Variants in OTOF observed in about 807,000 individuals in gnomAD.
OTOF encodes the protein otoferlin.
OTOF carries 218 observed loss-of-function variants against 236.8 expected under a neutral mutation model. The observed-to-expected ratio is 0.92, with a 90% confidence interval of 0.82 to 1.03. The LOEUF is 1.03. Among genes scored for constraint, OTOF ranks in the 50% least tolerant of loss-of-function variants. The pLI, the probability that OTOF is intolerant of heterozygous loss-of-function variation, is 0.00. For synonymous variants in OTOF, 1,041 were observed against 1,072.5 expected, an observed-to-expected ratio of 0.97 and a Z score of 0.57; for missense variants, 2,590 against 2,694.4, an observed-to-expected ratio of 0.96 and a Z score of 0.86.
At chr2:26,514,961 C>A (rs1381955422) in intron 5 of OTOF, among the ~76,000 whole-genome samples, 2 of 152,278 alleles carry the variant, frequency 1.3e-5, no homozygotes, top group African/African-American at 4.8e-5. Context: ...CACTCCCCGT[C>A]TGAGCACTGC....
At chr2:26,527,003 A>G (rs1465600247) in intron 3 of OTOF, among the ~76,000 whole-genome samples, 2 of 152,200 alleles carry the variant, frequency 1.3e-5, no homozygotes, top group Non-Finnish European at 2.9e-5. Context: ...TTTTTAACCC[A>G]AGATATTACT....
At chr2:26,500,378 A>C (rs1219807600) in intron 8 of OTOF, among the ~76,000 whole-genome samples, 2 of 152,196 alleles carry the variant, frequency 1.3e-5, no homozygotes, top group African/African-American at 4.8e-5. Flanking sequence ...TAATGACTCT[A>C]TTTTTGATGT....
At chr2:26,528,049 AGGGACAAAGCATTGACACCT>A in intron 2 of OTOF, 129 bp from the exon 3 acceptor site, 1 of 728,432 alleles carries the variant, frequency 1.4e-6, no homozygotes, top group Non-Finnish European at 2.5e-6. Flanking sequence ...AGTGCTCCCC[AGGGACAAAGCATTGACACCT>A]GGAATCTCAT....
chr2:26,518,791 G>A (rs1666600249), intron 4 of OTOF, among the ~76,000 whole-genome samples: 1 of 152,202 alleles, frequency 6.6e-6, no homozygotes, highest in South Asian at 2.1e-4. Context: ...GGGCAGGGGT[G>A]CCTACTGTGG....
intron 40 of OTOF, 149 bp downstream of exon 40, chr2:26,463,815 C>T: frequency 9.1e-7 from 1 of 1,098,704 alleles, no homozygotes; most frequent in Non-Finnish European, 1.4e-6. Context: ...ATTCAAGTTA[C>T]CCTGAGGGGC....
intron 14 of OTOF, 35 bp downstream of exon 14, chr2:26,482,371 C>T (rs746680160): frequency 1.2e-6 from 2 of 1,602,448 alleles, no homozygotes; most frequent in Middle Eastern, 1.8e-4. Flanking sequence ...GCCACTCCCT[C>T]TGCCCCCCAG....
Position 26,477,391 on chromosome 2 carries a change from C to A in OTOF, c.2406+25G>T. The A allele has an allele frequency of 1.9e-6, 3 of 1,569,934 alleles. No individual in the cohort carries two copies. Among genetic ancestry groups the A allele is most frequent in the Non-Finnish European group, 2.6e-6 (3 of 1,157,024 alleles). On this transcript the variant is annotated intron_variant, in intron 20 of 46. Transcript: ENST00000272371. This position sits in a 1 kb window ranked among gnomAD's most constrained non-coding sequence, Gnocchi z 4.7. ...CTCACAACCAGGCCCTCCCTCCAGC[C>A]CCCGCCGTCCAGTTGCGTCCTCACC...
intron 15 of OTOF, among the ~76,000 whole-genome samples, 199 bp from the exon 16 acceptor site, chr2:26,480,510 A>C (rs992778008): frequency 6.6e-6 from 1 of 152,238 alleles, no homozygotes; most frequent in African/African-American, 2.4e-5. Context: ...CAGACACCAC[A>C]GGGACAGCCG....
chr2:26,504,204 C>T (rs1193778130), intron 5 of OTOF, among the ~76,000 whole-genome samples: 1 of 152,198 alleles, frequency 6.6e-6, no homozygotes, highest in Non-Finnish European at 1.5e-5. Flanking sequence ...GTCTAGTCTC[C>T]TCAGAGCTCC....
At chr2:26,510,752 G>C (rs1666365165) in intron 5 of OTOF, 7 of 1,288,942 alleles carry the variant, frequency 5.4e-6, no homozygotes, top group Non-Finnish European at 6.1e-6. Flanking sequence ...TGCCTTTGCT[G>C]AGTAGGGGGA....
In OTOF at chr2:26,462,026, C is replaced by G. The variant is rs1664489605; in HGVS notation, c.5291+57G>C. On this transcript the variant is annotated intron_variant, in intron 42 of 46. Coordinates refer to ENST00000272371, the MANE Select transcript of OTOF (RefSeq NM_194248.3). The surrounding 1 kb of genome is among the most constrained non-coding windows in gnomAD (Gnocchi z 4.7). ...CTTCCCTCTGCCTCCTCTCCTGCCCCCCGGGAAGCAAGCCCCACCCAGCTC... is the reference window on the plus strand; with the variant it reads ...CTTCCCTCTGCCTCCTCTCCTGCCCGCCGGGAAGCAAGCCCCACCCAGCTC... The G allele has an allele frequency of 1.2e-6, 2 of 1,612,576 alleles. No individual in the cohort carries two copies. Among genetic ancestry groups the G allele is most frequent in the African/African-American group, 1.3e-5 (1 of 74,876 alleles).
Position 26,477,996 on chromosome 2 carries a change from G to A in OTOF, c.2215-247C>T. The A allele has an allele frequency of 6.9e-7, 1 of 1,454,760 alleles. No homozygotes were observed. The highest frequency in any genetic ancestry group is 1.5e-5 in the South Asian group (1 of 67,100). 90.1% of individuals were successfully genotyped at this position (1,454,760 alleles called of 1,614,324 possible). On this transcript the variant is annotated intron_variant, in intron 18 of 46. Coordinates refer to ENST00000272371, the MANE Select transcript of OTOF (RefSeq NM_194248.3). The surrounding 1 kb of genome is among the most constrained non-coding windows in gnomAD (Gnocchi z 4.7). ...AAGGAAGAAGCCACCTCTGGGCTGT[G>A]AGTCTGTGGCTCTGGTGAGCTCACA...
At chr2:26,487,021 G>A (rs553614073) in intron 11 of OTOF, among the ~76,000 whole-genome samples, 1 of 152,310 alleles carries the variant, frequency 6.6e-6, no homozygotes, top group African/African-American at 2.4e-5. Context: ...ATGAGGATGA[G>A]TGTATGGCCC....
chr2:26,503,558 T>C (rs1666172296), intron 6 of OTOF, among the ~76,000 whole-genome samples: 1 of 152,240 alleles, frequency 6.6e-6, no homozygotes, highest in African/African-American at 2.4e-5. Flanking sequence ...GGGAGGAGCC[T>C]TGTAACCAGG....
chr2:26,530,288 C>A (rs940703801), intron 2 of OTOF, among the ~76,000 whole-genome samples: 1 of 151,780 alleles, frequency 6.6e-6, no homozygotes, highest in Non-Finnish European at 1.5e-5. Context: ...GGCTGCCTGG[C>A]TGCGGGGCGA....
chr2:26,554,046 C>T (rs951898111), intron 1 of OTOF, among the ~76,000 whole-genome samples: 1 of 151,440 alleles, frequency 6.6e-6, no homozygotes, highest in African/African-American at 2.4e-5. Context: ...TGGCGTGTGC[C>T]TGTAGTCCCA....
chr2:26,502,135 G>C (rs948274798), intron 7 of OTOF, among the ~76,000 whole-genome samples, 165 bp downstream of exon 7: 6 of 152,228 alleles, frequency 3.9e-5, no homozygotes, highest in African/African-American at 1.4e-4. Flanking sequence ...TGCAGGGAGA[G>C]AGGTGAGAAA....
In OTOF at chr2:26,457,980, C is replaced by G; in HGVS notation, c.*258G>C. The G allele has an allele frequency of 2.0e-6, 3 of 1,531,572 alleles. No homozygotes were observed. Among genetic ancestry groups the G allele is most frequent in the Non-Finnish European group, 2.7e-6 (3 of 1,118,158 alleles). 94.9% of individuals were successfully genotyped at this position (1,531,572 alleles called of 1,614,324 possible). ...CTCCCCAGGGGAGATGGGAAAGAGT[C>G]CAAGCCACTGAAAGGAAATGCGGCA... is the stretch of plus-strand genomic sequence containing the variant. On this transcript the variant is annotated 3_prime_UTR_variant, in exon 47 of 47. Coordinates refer to ENST00000272371, the MANE Select transcript of OTOF (RefSeq NM_194248.3). This position sits in a 1 kb window ranked among gnomAD's most constrained non-coding sequence, Gnocchi z 4.4.
chr2:26,506,148 G>A (rs984858713), intron 5 of OTOF, among the ~76,000 whole-genome samples: 2 of 152,202 alleles, frequency 1.3e-5, no homozygotes, highest in African/African-American at 4.8e-5. Context: ...CTTCAGAAGT[G>A]TAGTTTTTGT....
Sources: gnomAD v4.1 joint callset for allele counts (sites outside exome capture counted in the v4.1 genomes callset) on GRCh38, gnomAD v4.1.1 for gene constraint, Gnocchi (gnomAD v3.1) non-coding constraint, MANE v1.5 for transcripts, NCBI Gene and HGNC (gene_info 2026-07-23, HGNC 2026-07-21) for gene names.